Variants in SGCD observed in about 807,000 individuals in gnomAD.
SGCD encodes delta-sarcoglycan.
A neutral mutation model predicts 36.6 loss-of-function variants in SGCD; 18 were observed. The ratio of observed to expected loss-of-function variants is 0.49; its 90% CI spans 0.34 to 0.73. The LOEUF (loss-of-function observed/expected upper bound fraction) is 0.73. Ranked by LOEUF, SGCD falls within the 30% of genes least tolerant of loss-of-function variation. SGCD has a pLI of 0.01. For synonymous variants in SGCD, 133 were observed against 130.6 expected, an observed-to-expected ratio of 1.02 and a Z score of -0.12; for missense variants, 387 against 346.7, an observed-to-expected ratio of 1.12 and a Z score of -0.92.
intron 1 of SGCD, among the ~76,000 whole-genome samples, chr5:156,113,879 A>T (rs1248284196): frequency 1.3e-5 from 2 of 152,186 alleles, no homozygotes; most frequent in African/African-American, 4.8e-5. Flanking sequence ...GAACCTTAAA[A>T]GTGTATTACT....
At chr5:156,570,526 A>G (rs1267933789) in intron 4 of SGCD, among the ~76,000 whole-genome samples, 4 of 152,316 alleles carry the variant, frequency 2.6e-5, no homozygotes, top group South Asian at 4.1e-4. Flanking sequence ...GTCATGATTT[A>G]TAGCTTCCAG....
chr5:156,511,582 T>C (rs1756929543), intron 4 of SGCD, among the ~76,000 whole-genome samples: 1 of 152,252 alleles, frequency 6.6e-6, no homozygotes, highest in African/African-American at 2.4e-5. Flanking sequence ...GGGCTCCTTC[T>C]GTTCATCTTT....
chr5:156,093,478 G>A (rs1016958484), intron 1 of SGCD, among the ~76,000 whole-genome samples: 3 of 152,276 alleles, frequency 2.0e-5, no homozygotes, highest in Non-Finnish European at 2.9e-5. Flanking sequence ...TGGAAGATTT[G>A]GTAAATATGT....
At chr5:155,796,806 C>CAAAAAAAAAAAAAAAAAAAA in the SGCD span, among the ~76,000 whole-genome samples, 28 of 51,322 alleles carry the variant, frequency 5.5e-4, 1 homozygote, top group African/African-American at 1.2e-3. Flanking sequence ...AACTCCATCT[C>CAAAAAAAAAAAAAAAAAAAA]AAAAAAAAAA....
At chr5:156,488,869 G>T (rs915982474) in intron 3 of SGCD, among the ~76,000 whole-genome samples, 1 of 152,102 alleles carries the variant, frequency 6.6e-6, no homozygotes, top group South Asian at 2.1e-4. Context: ...TGACAGGAAT[G>T]ATTTCTATCA....
intron 6 of SGCD, among the ~76,000 whole-genome samples, chr5:156,599,393 A>G (rs894620392): frequency 2.6e-5 from 4 of 152,124 alleles, no homozygotes; most frequent in Non-Finnish European, 5.9e-5. Context: ...AAAAAAATGG[A>G]AGGAAGAATG....
chr5:156,728,508 CAAAAAAAA>C (rs34726270), intron 7 of SGCD, among the ~76,000 whole-genome samples: 795 of 46,550 alleles, frequency 0.017, 13 homozygotes, highest in African/African-American at 0.065. Flanking sequence ...GAGACTCTGT[CAAAAAAAA>C]AAAAAAAAAA....
At chr5:156,493,183 T>G (rs2127852000) in intron 3 of SGCD, among the ~76,000 whole-genome samples, 1 of 152,278 alleles carries the variant, frequency 6.6e-6, no homozygotes, top group African/African-American at 2.4e-5. Context: ...TTTGATATAT[T>G]TATACATTGG....
At chr5:155,859,003 G>A in the SGCD span, among the ~76,000 whole-genome samples, 3 of 151,610 alleles carry the variant, frequency 2.0e-5, no homozygotes, top group Non-Finnish European at 4.4e-5. Flanking sequence ...GTTAAATAGG[G>A]CATTGTTTAC....
intron 3 of SGCD, among the ~76,000 whole-genome samples, chr5:156,470,332 G>A (rs72801107): frequency 0.058 from 8,706 of 151,348 alleles, 275 homozygotes; most frequent in South Asian, 0.09. Context: ...AATTCATGAA[G>A]TTGCTGATGT....
intron 1 of SGCD, among the ~76,000 whole-genome samples, chr5:156,081,258 C>G (rs1201975340): frequency 1.3e-5 from 2 of 152,158 alleles, no homozygotes; most frequent in Non-Finnish European, 2.9e-5. Context: ...TATGAGGACG[C>G]ACTCACTATC....
At chr5:156,686,796 T>C (rs989987393) in intron 7 of SGCD, among the ~76,000 whole-genome samples, 5 of 152,168 alleles carry the variant, frequency 3.3e-5, no homozygotes, top group Non-Finnish European at 7.3e-5. Context: ...TTAGAAATTC[T>C]ATAGGCAAAG....
chr5:156,732,922 C>A (rs916029670), intron 7 of SGCD, among the ~76,000 whole-genome samples: 8 of 152,098 alleles, frequency 5.3e-5, no homozygotes, highest in Non-Finnish European at 1.2e-4. Context: ...GTGGTAACAT[C>A]TCCCTTGTCG....
chr5:156,614,674 G>A (rs979717866), intron 6 of SGCD, among the ~76,000 whole-genome samples: 3 of 152,106 alleles, frequency 2.0e-5, no homozygotes, highest in African/African-American at 7.2e-5. Context: ...TCCTACATAT[G>A]GTTTAAATAT....
At chr5:156,104,598 A>G (rs1056975660) in intron 1 of SGCD, among the ~76,000 whole-genome samples, 2 of 152,182 alleles carry the variant, frequency 1.3e-5, no homozygotes, top group East Asian at 3.8e-4. Context: ...TGTTATGCCA[A>G]TATCCAAATG....
At chr5:156,169,738 G>T (rs1401707886) in intron 3 of SGCD, among the ~76,000 whole-genome samples, 1 of 152,104 alleles carries the variant, frequency 6.6e-6, no homozygotes, top group African/African-American at 2.4e-5. Flanking sequence ...GCTTGAGATG[G>T]ACTAAATAGC....
chr5:156,521,558 A>T lies in SGCD; in HGVS notation c.294+12856A>T, dbSNP rs562445583. On this transcript the variant is annotated intron_variant, in intron 4 of 8. Coordinates refer to ENST00000337851, the MANE Select transcript of SGCD (RefSeq NM_000337.6). ...CAAAGGACACGAACAGACAGTTCTC[A>T]AAAGAAGGATGCATGTCGCCAACAA... Among the ~76,000 whole-genome samples the T allele has an allele frequency of 2.0e-5, 3 of 152,362 alleles. No individual in the cohort carries two copies. In the South Asian group the frequency reaches 6.2e-4, roughly 32 times the overall value.
intron 1 of SGCD, among the ~76,000 whole-genome samples, chr5:155,916,767 C>T (rs893660863): frequency 5.3e-5 from 8 of 152,200 alleles, no homozygotes; most frequent in South Asian, 2.1e-4. Flanking sequence ...GTAACAGTAA[C>T]AATTATGGGA....
At chr5:156,227,784 T>C (rs921917188) in intron 3 of SGCD, among the ~76,000 whole-genome samples, 1 of 152,152 alleles carries the variant, frequency 6.6e-6, no homozygotes, top group African/African-American at 2.4e-5. Context: ...TTTAGGGCTA[T>C]GAACTTTCCT....
Sources: gnomAD v4.1 joint callset for allele counts (sites outside exome capture counted in the v4.1 genomes callset) on GRCh38, gnomAD v4.1.1 for gene constraint, MANE v1.5 for transcripts, NCBI Gene and HGNC (gene_info 2026-07-23, HGNC 2026-07-21) for gene names.